NKAIN2: variants seen among roughly 807,000 people sequenced by gnomAD.
NKAIN2 encodes sodium/potassium-transporting ATPase subunit beta-1-interacting protein 2.
A neutral mutation model predicts 32.6 loss-of-function variants in NKAIN2; 14 were observed. The observed-to-expected ratio is 0.43, with a 90% CI of 0.28 to 0.67. The LOEUF (loss-of-function observed/expected upper bound fraction) is 0.67. NKAIN2 is among the 30% of genes least tolerant of loss of function. The pLI is 0.17. For synonymous variants in NKAIN2, 80 were observed against 87.2 expected (o/e 0.92, Z 0.46); for missense variants, 198 against 258.3 (o/e 0.77, Z 1.60).
At chr6:124,305,186 C>T (rs1035944016) in intron 2 of NKAIN2, among the ~76,000 whole-genome samples, 2 of 151,920 alleles carry the variant, frequency 1.3e-5, no homozygotes, top group Non-Finnish European at 2.9e-5. Context: ...GAGAGATATT[C>T]CCATCAATAA....
chr6:124,157,435 T>A (rs1788048734), intron 1 of NKAIN2, among the ~76,000 whole-genome samples: 1 of 152,218 alleles, frequency 6.6e-6, no homozygotes, highest in African/African-American at 2.4e-5. Context: ...TTCACAAATT[T>A]AAAAAGTAAT....
intron 1 of NKAIN2, among the ~76,000 whole-genome samples, chr6:124,241,566 C>A (rs1462382565): frequency 6.6e-6 from 1 of 152,122 alleles, no homozygotes; most frequent in Non-Finnish European, 1.5e-5. Flanking sequence ...TGAAACAGAA[C>A]AGAGGCCTCA....
At chr6:123,819,517 TATTA>T (rs941344359) in intron 1 of NKAIN2, among the ~76,000 whole-genome samples, 29 of 152,292 alleles carry the variant, frequency 1.9e-4, no homozygotes, top group African/African-American at 7.0e-4. Context: ...GGGGTCATCT[TATTA>T]ATTAAAGTTT....
chr6:123,988,695 A>G (rs1779270683), intron 1 of NKAIN2, among the ~76,000 whole-genome samples: 1 of 152,168 alleles, frequency 6.6e-6, no homozygotes, highest in Non-Finnish European at 1.5e-5. Context: ...GAAGGAAATC[A>G]ATCTATTTGT....
chr6:124,624,439 G>T (rs1380890662), intron 3 of NKAIN2, among the ~76,000 whole-genome samples: 1 of 152,120 alleles, frequency 6.6e-6, no homozygotes, highest in East Asian at 1.9e-4. Flanking sequence ...AGGCCCTAAG[G>T]ATTACACCAA....
intron 1 of NKAIN2, among the ~76,000 whole-genome samples, chr6:123,883,736 T>C (rs1773576223): frequency 6.7e-6 from 1 of 150,248 alleles, no homozygotes; most frequent in South Asian, 2.1e-4. Flanking sequence ...TAAAAAAATG[T>C]ACCTCTTTTT....
intron 2 of NKAIN2, among the ~76,000 whole-genome samples, chr6:124,293,146 G>T (rs1795894227): frequency 6.6e-6 from 1 of 151,952 alleles, no homozygotes; most frequent in African/African-American, 2.4e-5. Context: ...TATTTAAGTA[G>T]TTTCCTTCAA....
chr6:124,339,114 G>A (rs913547282), intron 2 of NKAIN2, among the ~76,000 whole-genome samples: 5 of 152,140 alleles, frequency 3.3e-5, no homozygotes, highest in Admixed American at 3.3e-4. Context: ...AGGCCAAGGC[G>A]GGCGGATCAC....
Position 124,470,955 on chromosome 6 carries a change from G to GT in NKAIN2, c.273+115612dup, listed in dbSNP as rs199861914. On this transcript the variant is annotated intron_variant, in intron 3 of 6. Transcript: ENST00000368417. ...AAGGGTCAAATCTGGTTCTCAGTCA[G>GT]TTTTGTAGATAAAGTTTTATTGAGA... Among the ~76,000 whole-genome samples, 1,395 of 152,242 alleles carry GT rather than the reference G, an allele frequency of 9.2e-3. 21 individuals are homozygous for GT. The highest frequency in any genetic ancestry group is 0.032 in the African/African-American group (1,336 of 41,552).
At chr6:124,286,681 CGTGT>C (rs142033167) in intron 2 of NKAIN2, among the ~76,000 whole-genome samples, 9,927 of 130,538 alleles carry the variant, frequency 0.076, 926 homozygotes, top group African/African-American at 0.25. Flanking sequence ...TGTGCGCGCG[CGTGT>C]GTGTGTGTGT....
chr6:124,687,268 C>CTA (rs761727639), intron 4 of NKAIN2, among the ~76,000 whole-genome samples: 22 of 136,268 alleles, frequency 1.6e-4, no homozygotes, highest in African/African-American at 5.6e-4. Flanking sequence ...TATATTCTCT[C>CTA]TATATATAGA....
chr6:123,843,849 G>A (rs1038602264), intron 1 of NKAIN2, among the ~76,000 whole-genome samples: 2 of 152,078 alleles, frequency 1.3e-5, no homozygotes, highest in Admixed American at 6.6e-5. Flanking sequence ...AAGTCTCTCA[G>A]GTAATAAAAG....
At chr6:124,687,323 T>C (rs1376934719) in intron 4 of NKAIN2, among the ~76,000 whole-genome samples, 1 of 140,370 alleles carries the variant, frequency 7.1e-6, no homozygotes, top group Admixed American at 7.2e-5. Flanking sequence ...ATATGTAATA[T>C]ATATATTCCA....
chr6:124,432,206 T>G (rs1775248198), intron 3 of NKAIN2, among the ~76,000 whole-genome samples: 1 of 152,092 alleles, frequency 6.6e-6, no homozygotes. Flanking sequence ...GGTCAGAAAG[T>G]CAGGGAATTT....
At chr6:124,165,632 CATTAGGT>C (rs1253991905) in intron 1 of NKAIN2, among the ~76,000 whole-genome samples, 1 of 149,938 alleles carries the variant, frequency 6.7e-6, no homozygotes, top group Non-Finnish European at 1.5e-5. Flanking sequence ...CGTCATTTAG[CATTAGGT>C]ATATCTCCTA....
At chr6:123,909,082 A>T (rs1328941667) in intron 1 of NKAIN2, among the ~76,000 whole-genome samples, 8 of 151,776 alleles carry the variant, frequency 5.3e-5, no homozygotes, top group Admixed American at 4.6e-4. Context: ...TATTCCAGTC[A>T]TTTTTTTTCT....
chr6:123,915,561 A>G (rs1775447175), intron 1 of NKAIN2, among the ~76,000 whole-genome samples: 2 of 152,176 alleles, frequency 1.3e-5, no homozygotes, highest in South Asian at 2.1e-4. Flanking sequence ...GTTGTTTCAA[A>G]GTCTAGTTCC....
intron 3 of NKAIN2, among the ~76,000 whole-genome samples, chr6:124,481,200 A>G (rs1268481330): frequency 6.7e-6 from 1 of 149,160 alleles, no homozygotes; most frequent in Non-Finnish European, 1.5e-5. Flanking sequence ...ACAGTGGAAC[A>G]CCCAATGAAA....
intron 4 of NKAIN2, among the ~76,000 whole-genome samples, chr6:124,764,114 G>A (rs1778399181): frequency 6.6e-6 from 1 of 152,126 alleles, no homozygotes; most frequent in South Asian, 2.1e-4. Context: ...GAAGAAACTA[G>A]TCTTTTTTAA....
Sources: allele counts gnomAD v4.1 joint callset (sites outside exome capture counted in the v4.1 genomes callset), GRCh38; gene constraint gnomAD v4.1.1; transcripts MANE v1.5; gene names NCBI Gene and HGNC (gene_info 2026-07-23, HGNC 2026-07-21).